Variants in BMPER observed in about 807,000 individuals in gnomAD.
BMPER encodes the protein BMP binding endothelial regulator.
Under a neutral mutation model 87.3 loss-of-function variants are expected in BMPER, and 45 were observed. That is an observed-to-expected ratio of 0.52 (90% CI 0.41 to 0.66). The LOEUF (loss-of-function observed/expected upper bound fraction) is 0.66, where lower values mean the gene tolerates loss of function less well. BMPER is among the 30% of genes least tolerant of loss of function. BMPER has a pLI of 0.00. For missense variants in BMPER, 784 were observed against 867.5 expected (o/e 0.90, Z 1.21); for synonymous variants, 326 against 316.2 (o/e 1.03, Z -0.33).
intron 13 of BMPER, among the ~76,000 whole-genome samples, chr7:34,105,485 A>C (rs1789793988): frequency 6.6e-6 from 1 of 152,228 alleles, no homozygotes; most frequent in Admixed American, 6.5e-5. Context: ...TTGGAAACCA[A>C]GTTCACCATA....
chr7:34,041,253 G>A lies in BMPER; in HGVS notation c.577-5053G>A, dbSNP rs188303599. 1.7e-3 allele frequency among the ~76,000 whole-genome samples: 261 copies of A among 152,234 alleles called. 1 individual carries two copies. Among genetic ancestry groups the A allele is most frequent in the Non-Finnish European group, 2.1e-3 (142 of 68,002 alleles). On this transcript the variant is annotated intron_variant, in intron 6 of 14. Coordinates refer to ENST00000649409, the MANE Select transcript of BMPER (RefSeq NM_001365308.1). ...ATTCTCTGCTGTAGGGGTGACAAAA[G>A]CATGCCCACAGGGTCTTCTGGAGAC...
At chr7:33,913,107 T>G (rs1784000964) in intron 2 of BMPER, among the ~76,000 whole-genome samples, 1 of 152,098 alleles carries the variant, frequency 6.6e-6, no homozygotes, top group Admixed American at 6.6e-5. Context: ...CTCAAACCCC[T>G]GTACTAAGGG....
intron 6 of BMPER, among the ~76,000 whole-genome samples, chr7:34,008,458 A>T (rs185025258): frequency 1.1e-3 from 169 of 151,914 alleles, no homozygotes; most frequent in African/African-American, 3.9e-3. Flanking sequence ...TTAAAAAAAA[A>T]TTTCCCAGTT....
intron 13 of BMPER, among the ~76,000 whole-genome samples, chr7:34,129,618 G>C (rs765655110): frequency 1.9e-5 from 1 of 52,420 alleles, no homozygotes; most frequent in Non-Finnish European, 3.8e-5. Flanking sequence ...GAAAGAGAGA[G>C]AGAGAGAAAG....
At chr7:34,117,660 TA>T (rs1244882092) in intron 13 of BMPER, among the ~76,000 whole-genome samples, 1 of 152,198 alleles carries the variant, frequency 6.6e-6, no homozygotes, top group African/African-American at 2.4e-5. Context: ...ATCTGTTATT[TA>T]ATACCTTGGA....
At chr7:34,065,197 A>ACTCTCTCT (rs1562720393) in intron 11 of BMPER, among the ~76,000 whole-genome samples, 4 of 129,242 alleles carry the variant, frequency 3.1e-5, no homozygotes, top group African/African-American at 9.2e-5. Flanking sequence ...ACACACATAC[A>ACTCTCTCT]CACTCACTCT....
intron 3 of BMPER, among the ~76,000 whole-genome samples, chr7:33,943,738 C>A (rs998374748): frequency 6.6e-6 from 1 of 152,176 alleles, no homozygotes; most frequent in Non-Finnish European, 1.5e-5. Flanking sequence ...AAAATTTAGA[C>A]CTGTTTGGAT....
At chr7:34,089,711 T>C (rs1789325487) in intron 13 of BMPER, among the ~76,000 whole-genome samples, 1 of 152,162 alleles carries the variant, frequency 6.6e-6, no homozygotes, top group African/African-American at 2.4e-5. Flanking sequence ...CTCGAATTCC[T>C]GACCTCAGGT....
intron 13 of BMPER, among the ~76,000 whole-genome samples, chr7:34,139,637 G>A (rs1790812503): frequency 1.3e-5 from 2 of 152,168 alleles, no homozygotes; most frequent in African/African-American, 2.4e-5. Context: ...CGTTGGATTT[G>A]GTCGTATCTG....
intron 12 of BMPER, among the ~76,000 whole-genome samples, chr7:34,083,641 T>G (rs1789114161): frequency 1.3e-5 from 2 of 152,226 alleles, no homozygotes. Context: ...GAATGCTATC[T>G]GTCAGCCTTC....
Position 34,079,397 on chromosome 7 carries a change from C to T in BMPER, c.1408+211C>T, listed in dbSNP as rs200573528. ...CACAAACAGCTGGAGACATTCGGAC[C>T]GTATGGAGTCTTGCAATTGGATGCC... On this transcript the variant is annotated intron_variant, in intron 12 of 14. Coordinates refer to ENST00000649409, the MANE Select transcript of BMPER (RefSeq NM_001365308.1). Among the ~76,000 whole-genome samples, 7 of 152,308 alleles carry T rather than the reference C, an allele frequency of 4.6e-5. No homozygotes were observed. In the South Asian group the frequency reaches 6.2e-4, roughly 14 times the overall value.
At chr7:34,051,533 C>A (rs1169784147) in intron 7 of BMPER, among the ~76,000 whole-genome samples, 1 of 152,122 alleles carries the variant, frequency 6.6e-6, no homozygotes, top group East Asian at 1.9e-4. Context: ...ATTGAAACAG[C>A]CTTTGATGAG....
At position 34,133,720 on chromosome 7, in the gene BMPER, C is replaced by T. The variant is rs536465114; in HGVS notation, c.1746-9510C>T. On this transcript the variant is annotated intron_variant, in intron 13 of 14. Coordinates refer to ENST00000649409, the MANE Select transcript of BMPER (RefSeq NM_001365308.1). ...CTGGGACCTTTGCTGTGGGATCTGA[C>T]GCTAACTCCAGTAGATAGTGTCAGA... Among the ~76,000 whole-genome samples, 13 of 152,134 alleles carry T rather than the reference C, an allele frequency of 8.5e-5. No homozygotes were observed. The South Asian group carries it at 1.2e-3, about 15-fold the overall frequency.
chr7:34,033,216 A>G (rs1407513308), intron 6 of BMPER, among the ~76,000 whole-genome samples: 2 of 152,224 alleles, frequency 1.3e-5, no homozygotes, highest in East Asian at 1.9e-4. Flanking sequence ...CATTTAATGT[A>G]CCATCTAAAT....
chr7:33,906,350 A>G (rs1175123940), intron 1 of BMPER, among the ~76,000 whole-genome samples: 1 of 152,240 alleles, frequency 6.6e-6, no homozygotes, highest in Non-Finnish European at 1.5e-5. Context: ...TCAAAAAGTG[A>G]TTTAAACCTA....
At chr7:33,993,620 G>A (rs1244854471) in intron 6 of BMPER, among the ~76,000 whole-genome samples, 7 of 152,024 alleles carry the variant, frequency 4.6e-5, no homozygotes, top group East Asian at 1.9e-4. Context: ...CTCTCAGCTC[G>A]TCAAAGTCAT....
At chr7:34,031,372 C>A (rs773732005) in intron 6 of BMPER, among the ~76,000 whole-genome samples, 1 of 152,016 alleles carries the variant, frequency 6.6e-6, no homozygotes, top group African/African-American at 2.4e-5. Flanking sequence ...CAAAGACTTG[C>A]AAGATTATTT....
chr7:33,974,200 A>G (rs1785621072), intron 5 of BMPER, among the ~76,000 whole-genome samples: 1 of 152,178 alleles, frequency 6.6e-6, no homozygotes, highest in African/African-American at 2.4e-5. Context: ...AAGAGTGATG[A>G]AAGTCCCTAC....
intron 10 of BMPER, among the ~76,000 whole-genome samples, chr7:34,058,891 A>G (rs964689112): frequency 7.9e-5 from 12 of 152,316 alleles, no homozygotes; most frequent in African/African-American, 2.9e-4. Flanking sequence ...CTTCTCTGTT[A>G]TAGACAGCTT....
Sources: allele counts gnomAD v4.1 joint callset (sites outside exome capture counted in the v4.1 genomes callset), GRCh38; gene constraint gnomAD v4.1.1; transcripts MANE v1.5; gene names NCBI Gene and HGNC (gene_info 2026-07-23, HGNC 2026-07-21).